The following EIPR1 variants were observed in gnomAD, a reference collection of about 807,000 sequenced individuals.
EIPR1 encodes the protein EARP and GARP complex-interacting protein 1.
Under a neutral mutation model 48.1 loss-of-function variants are expected in EIPR1, and 25 were observed. The ratio of observed to expected loss-of-function variants is 0.52; its 90% CI spans 0.38 to 0.73. EIPR1 has a LOEUF of 0.73. Among genes scored for constraint, EIPR1 ranks in the 30% least tolerant of loss-of-function variants. The pLI is 0.00. For missense variants in EIPR1, 415 were observed against 506.2 expected (o/e 0.82, Z 1.73); for synonymous variants, 204 against 201.9 (o/e 1.01, Z -0.09).
chr2:3,326,003 T>C (rs1299656426), intron 3 of EIPR1, among the ~76,000 whole-genome samples: 1 of 152,188 alleles, frequency 6.6e-6, no homozygotes, highest in East Asian at 1.9e-4. Flanking sequence ...CCAGTGGGCT[T>C]TGTTGCCTGT....
intron 3 of EIPR1, chr2:3,301,356 C>T (rs1668757563): frequency 6.6e-6 from 1 of 152,196 alleles, no homozygotes; most frequent in Non-Finnish European, 1.5e-5. Context: ...CCTTCACTCC[C>T]TGTGCCTGCC....
intron 3 of EIPR1, among the ~76,000 whole-genome samples, chr2:3,331,124 T>G (rs940432706): frequency 7.4e-5 from 9 of 120,844 alleles, no homozygotes; most frequent in African/African-American, 2.7e-4. Context: ...CCTGAGGTGG[T>G]GTGAGCAGAA....
chr2:3,192,661 C>A, intron 7 of EIPR1, 80 bp from the exon 8 acceptor site: 2 of 1,458,662 alleles, frequency 1.4e-6, no homozygotes, highest in East Asian at 2.4e-5. Context: ...GCTCTGAGGG[C>A]CCCACTAGGC....
intron 2 of EIPR1, among the ~76,000 whole-genome samples, chr2:3,341,769 A>C (rs1670258839): frequency 2.6e-5 from 4 of 152,056 alleles, no homozygotes; most frequent in African/African-American, 9.7e-5. Context: ...CAGTGAATGC[A>C]TGTGTAAAGA....
chr2:3,369,729 C>A (rs775447967), intron 1 of EIPR1, among the ~76,000 whole-genome samples: 1 of 152,216 alleles, frequency 6.6e-6, no homozygotes, highest in Non-Finnish European at 1.5e-5. Flanking sequence ...ACAAAGCAGC[C>A]GGGAAGCTCG....
At chr2:3,314,008 T>C (rs1206019215) in intron 3 of EIPR1, among the ~76,000 whole-genome samples, 2 of 152,108 alleles carry the variant, frequency 1.3e-5, no homozygotes, top group African/African-American at 4.8e-5. Flanking sequence ...AGGGTGGCAC[T>C]AGCTGACCCA....
At chr2:3,354,237 G>A (rs541189691) in intron 2 of EIPR1, among the ~76,000 whole-genome samples, 33 of 152,308 alleles carry the variant, frequency 2.2e-4, no homozygotes, top group Admixed American at 1.9e-3. Context: ...CACAGGCCAA[G>A]AAGAAGGGGT....
intron 3 of EIPR1, among the ~76,000 whole-genome samples, chr2:3,302,558 C>T (rs1228484398): frequency 6.6e-6 from 1 of 152,216 alleles, no homozygotes; most frequent in Non-Finnish European, 1.5e-5. Flanking sequence ...GCAAGCTGAT[C>T]CTGAGTGCAG....
chr2:3,261,215 T>C (rs1298776959), intron 3 of EIPR1, among the ~76,000 whole-genome samples: 2 of 151,342 alleles, frequency 1.3e-5, no homozygotes, highest in Non-Finnish European at 2.9e-5. Context: ...GTGGAGACAG[T>C]TAATAGAGTT....
At position 3,312,408 on chromosome 2, in the gene EIPR1, T is replaced by A. The variant is rs1472501456; in HGVS notation, c.259+25609A>T. Among the ~76,000 whole-genome samples the A allele has an allele frequency of 1.3e-5, 2 of 152,166 alleles. No individual in the cohort carries two copies. Among genetic ancestry groups the A allele is most frequent in the Non-Finnish European group, 2.9e-5 (2 of 68,032 alleles). On this transcript the variant is annotated intron_variant, in intron 3 of 8. Coordinates refer to ENST00000382125, the MANE Select transcript of EIPR1 (RefSeq NM_003310.5). This position sits in a 1 kb window ranked among gnomAD's most constrained non-coding sequence, Gnocchi z 5.5. ...AGGTTCTGTGTGCCTGCTGTGGGGA[T>A]GAGACTCACGTCTGAGGGGCAAAGT...
chr2:3,253,557 A>G (rs1320241885), intron 4 of EIPR1, among the ~76,000 whole-genome samples: 3 of 152,140 alleles, frequency 2.0e-5, no homozygotes, highest in Admixed American at 2.0e-4. Context: ...GTGACTTCCT[A>G]AAGACCCTAC....
At position 3,257,457 on chromosome 2, in the gene EIPR1, T is replaced by C; in HGVS notation, c.260-2A>G. Reference sequence around the variant, plus strand: ...ATGTCAGGACTTTGCTGTCTGAAGCTGAGCAACAGAGCATAATGGATAATG... The same window carrying C: ...ATGTCAGGACTTTGCTGTCTGAAGCCGAGCAACAGAGCATAATGGATAATG... On this transcript the variant is annotated splice_acceptor_variant, in intron 3 of 8. Transcript: ENST00000382125. LOFTEE classifies it high-confidence loss of function. 1 of 1,614,064 alleles carries C rather than the reference T, an allele frequency of 6.2e-7. No individual in the cohort carries two copies. The highest frequency in any genetic ancestry group is 8.5e-7 in the Non-Finnish European group (1 of 1,179,946).
At chr2:3,341,116 AAAAACAAAAC>A (rs1224207165) in intron 2 of EIPR1, among the ~76,000 whole-genome samples, 79 of 128,276 alleles carry the variant, frequency 6.2e-4, no homozygotes, top group South Asian at 2.0e-3. Context: ...AAAAAAAAAA[AAAAACAAAAC>A]AAAACTCCAC....
chr2:3,270,300 T>G (rs2694078), intron 3 of EIPR1, among the ~76,000 whole-genome samples: 103,520 of 151,480 alleles, frequency 0.68, 35,713 homozygotes, highest in East Asian at 0.81. Context: ...GCTCCATGGA[T>G]GCCAACACTC....
chr2:3,303,575 A>T (rs1449264807), intron 3 of EIPR1, among the ~76,000 whole-genome samples: 1 of 152,262 alleles, frequency 6.6e-6, no homozygotes, highest in African/African-American at 2.4e-5. Context: ...GTCACAGCGA[A>T]ACTGGAAAAT....
chr2:3,289,427 G>A (rs2103271491), intron 3 of EIPR1, among the ~76,000 whole-genome samples: 1 of 152,324 alleles, frequency 6.6e-6, no homozygotes, highest in Non-Finnish European at 1.5e-5. Flanking sequence ...TCCTCTGTGG[G>A]AGAAGGGCAA....
chr2:3,360,238 T>C lies in EIPR1; in HGVS notation c.43-5605A>G, dbSNP rs558844416. Among the ~76,000 whole-genome samples, 46 of 152,206 alleles carry C rather than the reference T, an allele frequency of 3.0e-4. 1 individual carries two copies. In the South Asian group the frequency reaches 3.1e-3, roughly 10 times the overall value. On this transcript the variant is annotated intron_variant, in intron 1 of 8. Coordinates refer to ENST00000382125, the MANE Select transcript of EIPR1 (RefSeq NM_003310.5). The stretch of plus-strand genomic sequence containing the variant: ...GGCCAACATGGTGAAAACCCATCTC[T>C]ACTAAAAACACAAAACTTAGCTGGG...
intron 3 of EIPR1, among the ~76,000 whole-genome samples, chr2:3,276,958 G>A (rs1366131414): frequency 2.6e-5 from 4 of 152,184 alleles, no homozygotes; most frequent in African/African-American, 4.8e-5. Context: ...TAAACCATGA[G>A]ACAAGTCACC....
chr2:3,236,092 C>T (rs757914391), intron 4 of EIPR1, among the ~76,000 whole-genome samples: 11 of 152,172 alleles, frequency 7.2e-5, no homozygotes, highest in Admixed American at 1.3e-4. Context: ...ACCACTCTCC[C>T]GCCACCTAGA....
Sources: gnomAD v4.1 joint callset for allele counts (sites outside exome capture counted in the v4.1 genomes callset) on GRCh38, gnomAD v4.1.1 for gene constraint, Gnocchi (gnomAD v3.1) non-coding constraint, MANE v1.5 for transcripts, NCBI Gene and HGNC (gene_info 2026-07-23, HGNC 2026-07-21) for gene names.